The following VWA8 variants were observed in gnomAD, a reference collection of about 807,000 sequenced individuals.
VWA8 encodes the protein von Willebrand factor A domain-containing protein 8.
A neutral mutation model predicts 241.5 loss-of-function variants in VWA8; 221 were observed. The observed-to-expected ratio is 0.91, with a 90% CI of 0.82 to 1.02. VWA8 has a LOEUF of 1.02. Ranked by LOEUF, VWA8 falls within the 50% of genes least tolerant of loss-of-function variation. The pLI is 0.00. For missense variants in VWA8, 2,322 were observed against 2,328.7 expected (o/e 1.00, Z 0.06); for synonymous variants, 852 against 827.1 (o/e 1.03, Z -0.52).
At chr13:41,703,228 T>C (rs2045261130) in intron 27 of VWA8, 75 bp downstream of exon 27, 1 of 1,159,774 alleles carries the variant, frequency 8.6e-7, no homozygotes, top group Non-Finnish European at 1.3e-6. Context: ...TGAGATTGTT[T>C]GAATTATCTC....
chr13:41,817,313 T>A (rs923770135), intron 15 of VWA8, among the ~76,000 whole-genome samples: 2 of 152,188 alleles, frequency 1.3e-5, no homozygotes, highest in African/African-American at 2.4e-5. Flanking sequence ...GATCAACATA[T>A]CAATGAACTC....
chr13:41,605,413 G>A, intron 39 of VWA8, 137 bp from the exon 40 acceptor site: 2 of 766,498 alleles, frequency 2.6e-6, no homozygotes. Context: ...GGCAAGAAGT[G>A]ATGTCTCCAG....
intron 40 of VWA8, among the ~76,000 whole-genome samples, chr13:41,598,936 A>T (rs947899485): frequency 6.6e-6 from 1 of 151,474 alleles, no homozygotes; most frequent in Non-Finnish European, 1.5e-5. Flanking sequence ...TGATCCATAG[A>T]CTTAGGCCTT....
intron 37 of VWA8, among the ~76,000 whole-genome samples, chr13:41,643,123 C>T (rs918941629): frequency 6.6e-6 from 1 of 152,160 alleles, no homozygotes; most frequent in African/African-American, 2.4e-5. Context: ...GCTGCTCAGC[C>T]TCAAGTTAAT....
intron 21 of VWA8, among the ~76,000 whole-genome samples, chr13:41,755,797 T>G (rs1210591605): frequency 6.6e-6 from 1 of 151,774 alleles, no homozygotes; most frequent in African/African-American, 2.4e-5. Flanking sequence ...TGACCCCAAC[T>G]GCTCCTCTTA....
At chr13:41,676,167 T>C (rs113598211) in intron 35 of VWA8, among the ~76,000 whole-genome samples, 113 of 152,290 alleles carry the variant, frequency 7.4e-4, no homozygotes, top group Middle Eastern at 3.4e-3. Context: ...AGGAGATGCA[T>C]ATAGGTGCCA....
intron 9 of VWA8, among the ~76,000 whole-genome samples, chr13:41,879,752 G>A (rs1469832731): frequency 1.3e-5 from 2 of 152,050 alleles, no homozygotes; most frequent in African/African-American, 4.8e-5. Flanking sequence ...TACACAGAGG[G>A]TGTTGTGTAT....
At chr13:41,905,926 T>A (rs9566877) in intron 4 of VWA8, among the ~76,000 whole-genome samples, 28 of 152,222 alleles carry the variant, frequency 1.8e-4, no homozygotes, top group East Asian at 1.5e-3. Context: ...TTTTTTCCCA[T>A]TTGTAATCAG....
At chr13:41,855,008 CA>C (rs1872679665) in intron 12 of VWA8, among the ~76,000 whole-genome samples, 2 of 152,050 alleles carry the variant, frequency 1.3e-5, no homozygotes, top group South Asian at 4.1e-4. Context: ...TGAGGTCTTA[CA>C]GGGGCCAGAT....
At chr13:41,673,637 C>T (rs2137801382) in intron 36 of VWA8, among the ~76,000 whole-genome samples, 1 of 152,068 alleles carries the variant, frequency 6.6e-6, no homozygotes, top group African/African-American at 2.4e-5. Flanking sequence ...GACTACATGT[C>T]AAAATAATAA....
chr13:41,837,350 T>C (rs760927410), intron 12 of VWA8, among the ~76,000 whole-genome samples: 15 of 152,214 alleles, frequency 9.9e-5, no homozygotes, highest in Non-Finnish European at 1.2e-4. Context: ...CTTAAAGAGA[T>C]AGTTGGCCCT....
chr13:41,657,739 T>C lies in VWA8; in HGVS notation c.4611+13207A>G, dbSNP rs556177565. Among the ~76,000 whole-genome samples, 10 of 152,314 alleles carry C rather than the reference T, an allele frequency of 6.6e-5. No individual in the cohort carries two copies. In the East Asian group the frequency reaches 1.9e-3, roughly 29 times the overall value. Reference sequence around the variant, plus strand: ...CTCCTGACCTCATGATCTACCCGCCTCGGCCTCCCAAAGTGCTGGGATTAC... The same window carrying C: ...CTCCTGACCTCATGATCTACCCGCCCCGGCCTCCCAAAGTGCTGGGATTAC... On this transcript the variant is annotated intron_variant, in intron 37 of 44. Transcript: ENST00000379310.
At chr13:41,923,358 A>C (rs1876656313) in intron 2 of VWA8, among the ~76,000 whole-genome samples, 1 of 152,136 alleles carries the variant, frequency 6.6e-6, no homozygotes, top group Non-Finnish European at 1.5e-5. Flanking sequence ...TGAGTGCAGC[A>C]CACCAACATG....
intron 2 of VWA8, among the ~76,000 whole-genome samples, chr13:41,949,031 T>TAA (rs35506856): frequency 0.012 from 740 of 63,308 alleles, 7 homozygotes; most frequent in African/African-American, 0.023. Flanking sequence ...TCTACCATCA[T>TAA]AAAAAAAAAA....
intron 14 of VWA8, 98 bp from the exon 15 acceptor site, chr13:41,819,484 T>G: frequency 8.4e-7 from 1 of 1,195,768 alleles, no homozygotes; most frequent in Non-Finnish European, 1.1e-6. Flanking sequence ...GCTATCATAC[T>G]GTTAATAATG....
rs932622465 is a variant in VWA8 at position 41,792,410 on chromosome 13, T to A, written c.2064-4867A>T. Among the ~76,000 whole-genome samples, 5 of 152,100 alleles carry A rather than the reference T, an allele frequency of 3.3e-5. 1 individual carries two copies. Among genetic ancestry groups the A allele is most frequent in the Admixed American group, 3.3e-4 (5 of 15,280 alleles). On this transcript the variant is annotated intron_variant, in intron 17 of 44. Transcript: ENST00000379310. ...CATTGATTTACAATGCTACATCTTA[T>A]ATACTAAGTTCTCACAAATATGTAG...
At chr13:41,839,251 T>C (rs1871880730) in intron 12 of VWA8, among the ~76,000 whole-genome samples, 1 of 152,234 alleles carries the variant, frequency 6.6e-6, no homozygotes, top group African/African-American at 2.4e-5. Context: ...TGACCGGTGA[T>C]GATGAGCTTT....
In VWA8 at chr13:41,761,520, G is replaced by C. The variant is rs555404276; in HGVS notation, c.2350-316C>G. ...CTAGGCATCACAGCAGATGCCTATA[G>C]TATTAACTATTTCAGATTTGAAGAA... On this transcript the variant is annotated intron_variant, in intron 20 of 44. Coordinates refer to ENST00000379310, the MANE Select transcript of VWA8 (RefSeq NM_015058.2). Among the ~76,000 whole-genome samples the C allele has an allele frequency of 4.6e-5, 7 of 152,124 alleles. No homozygotes were observed. In the East Asian group the frequency reaches 1.4e-3, roughly 29 times the overall value.
chr13:41,906,410 A>G (rs1023448777), intron 4 of VWA8, among the ~76,000 whole-genome samples: 2 of 152,154 alleles, frequency 1.3e-5, no homozygotes, highest in Non-Finnish European at 2.9e-5. Context: ...ATAAACAAAC[A>G]TATATGCATT....
Sources: gnomAD v4.1 joint callset for allele counts (sites outside exome capture counted in the v4.1 genomes callset) on GRCh38, gnomAD v4.1.1 for gene constraint, MANE v1.5 for transcripts, NCBI Gene and HGNC (gene_info 2026-07-23, HGNC 2026-07-21) for gene names.